TASP1: variants seen among roughly 807,000 people sequenced by gnomAD.
TASP1 encodes threonine aspartase 1.
In TASP1, 16 loss-of-function variants were observed where a neutral mutation model predicts 56.6. That is an observed-to-expected ratio of 0.28 (90% CI 0.19 to 0.43). The LOEUF is 0.43. Among genes scored for constraint, TASP1 ranks in the 20% least tolerant of loss-of-function variants. TASP1 has a pLI of 1.00. For missense variants in TASP1, 393 were observed against 511.6 expected (o/e 0.77, Z 2.24); for synonymous variants, 179 against 184.2 (o/e 0.97, Z 0.23).
At chr20:13,221,719 GTCA>G in the TASP1 span, 9 of 1,324,940 alleles carry the variant, frequency 6.8e-6, no homozygotes, top group South Asian at 3.9e-5. Flanking sequence ...CTCCCCCGGC[GTCA>G]CCGCCGCCGC....
the TASP1 span, among the ~76,000 whole-genome samples, chr20:13,329,845 T>C: frequency 1.9e-4 from 29 of 152,254 alleles, no homozygotes; most frequent in African/African-American, 5.5e-4. Flanking sequence ...TTTTTCACCA[T>C]TAAGTATAAT....
At chr20:13,350,657 CAAA>C in the TASP1 span, among the ~76,000 whole-genome samples, 1 of 151,416 alleles carries the variant, frequency 6.6e-6, no homozygotes, top group Non-Finnish European at 1.5e-5. Context: ...AGTACATAAA[CAAA>C]AAGACTAACC....
At chr20:13,305,542 C>A in the TASP1 span, among the ~76,000 whole-genome samples, 1 of 152,084 alleles carries the variant, frequency 6.6e-6, no homozygotes, top group Non-Finnish European at 1.5e-5. Flanking sequence ...GTGGGTCGTC[C>A]CATTATGCCT....
At chr20:13,160,975 T>G in the TASP1 span, among the ~76,000 whole-genome samples, 1 of 152,122 alleles carries the variant, frequency 6.6e-6, no homozygotes, top group Non-Finnish European at 1.5e-5. Context: ...GACACAATCA[T>G]GTCATTATGA....
chr20:13,448,192 A>C (rs1409663763), intron 11 of TASP1, among the ~76,000 whole-genome samples: 1 of 152,208 alleles, frequency 6.6e-6, no homozygotes, highest in East Asian at 1.9e-4. Flanking sequence ...TTATATTCCT[A>C]AATGGTCAGC....
chr20:13,129,322 T>G, the TASP1 span, among the ~76,000 whole-genome samples: 1 of 152,186 alleles, frequency 6.6e-6, no homozygotes, highest in Admixed American at 6.5e-5. Flanking sequence ...TCTTTTAACC[T>G]TTTAACATTG....
chr20:13,576,345 G>GAAAGA (rs1568602905), intron 6 of TASP1, among the ~76,000 whole-genome samples: 2 of 61,732 alleles, frequency 3.2e-5, no homozygotes, highest in East Asian at 8.0e-4. Flanking sequence ...AAGAAAGGAA[G>GAAAGA]AAAGAAAGAA....
chr20:13,616,848 G>A (rs2048541398), intron 4 of TASP1: 1 of 303,418 alleles, frequency 3.3e-6, no homozygotes, highest in Non-Finnish European at 6.6e-6. Context: ...TAAAAAGAGT[G>A]TAACTTACTT....
chr20:13,591,665 T>C (rs1243945953), intron 4 of TASP1, among the ~76,000 whole-genome samples: 1 of 152,162 alleles, frequency 6.6e-6, no homozygotes, highest in Non-Finnish European at 1.5e-5. Context: ...ATACTCTAAA[T>C]AAGTGGGAAG....
intron 5 of TASP1, among the ~76,000 whole-genome samples, chr20:13,586,887 C>A (rs1046109584): frequency 3.3e-5 from 5 of 151,868 alleles, no homozygotes; most frequent in African/African-American, 9.7e-5. Context: ...ACTGGTTAAA[C>A]CCCACGGGGA....
At chr20:13,124,340 AG>A in the TASP1 span, among the ~76,000 whole-genome samples, 1 of 151,932 alleles carries the variant, frequency 6.6e-6, no homozygotes, top group Non-Finnish European at 1.5e-5. Flanking sequence ...AGAGGAAAGA[AG>A]GAAGGAAGGG....
At chr20:13,271,048 A>C in the TASP1 span, among the ~76,000 whole-genome samples, 1 of 152,256 alleles carries the variant, frequency 6.6e-6, no homozygotes, top group Non-Finnish European at 1.5e-5. Flanking sequence ...AAAGCAAAAC[A>C]AAACAAAATA....
chr20:13,302,087 T>G, the TASP1 span, among the ~76,000 whole-genome samples: 2 of 152,146 alleles, frequency 1.3e-5, no homozygotes, highest in African/African-American at 2.4e-5. Flanking sequence ...GGAACAAGAG[T>G]GGCAAGTTAT....
intron 7 of TASP1, among the ~76,000 whole-genome samples, chr20:13,567,929 C>T (rs752282653): frequency 2.6e-5 from 4 of 151,976 alleles, no homozygotes; most frequent in Non-Finnish European, 5.9e-5. Flanking sequence ...GGTGGCCTGT[C>T]TCCAAGGGAA....
intron 7 of TASP1, among the ~76,000 whole-genome samples, chr20:13,561,767 A>G (rs1178690429): frequency 6.6e-6 from 1 of 152,174 alleles, no homozygotes; most frequent in Non-Finnish European, 1.5e-5. Flanking sequence ...GAGGGTTGAG[A>G]CAGAGCTGTA....
intron 13 of TASP1, among the ~76,000 whole-genome samples, chr20:13,410,258 C>T (rs1438074804): frequency 1.3e-5 from 2 of 152,182 alleles, no homozygotes; most frequent in African/African-American, 2.4e-5. Flanking sequence ...TATATACTTG[C>T]TATTGTGAGT....
At chr20:13,453,178 C>G (rs1197896689) in intron 11 of TASP1, among the ~76,000 whole-genome samples, 1 of 151,986 alleles carries the variant, frequency 6.6e-6, no homozygotes, top group Non-Finnish European at 1.5e-5. Flanking sequence ...ATCAAATGGA[C>G]TAAAATGGAA....
intron 8 of TASP1, among the ~76,000 whole-genome samples, chr20:13,557,505 G>C (rs1488168904): frequency 6.6e-6 from 1 of 150,954 alleles, no homozygotes; most frequent in Non-Finnish European, 1.5e-5. Flanking sequence ...TGGTTTACAT[G>C]GGCATATATG....
chr20:13,392,567 A>C (rs1265861161), intron 13 of TASP1: 1 of 297,900 alleles, frequency 3.4e-6, no homozygotes, highest in African/African-American at 2.2e-5. Flanking sequence ...AATGACTGAA[A>C]TAGACCATTC....
Sources: gnomAD v4.1 joint callset for allele counts (sites outside exome capture counted in the v4.1 genomes callset) on GRCh38, gnomAD v4.1.1 for gene constraint, MANE v1.5 for transcripts, NCBI Gene and HGNC (gene_info 2026-07-23, HGNC 2026-07-21) for gene names.